CWC27: variants seen among roughly 807,000 people sequenced by gnomAD.
The protein encoded by CWC27 is spliceosome-associated protein CWC27 homolog.
Under a neutral mutation model 63.6 loss-of-function variants are expected in CWC27, and 47 were observed. The observed-to-expected ratio is 0.74, with a 90% CI of 0.58 to 0.94. The LOEUF (loss-of-function observed/expected upper bound fraction) is 0.94, where lower values mean the gene tolerates loss of function less well. CWC27 is among the 40% of genes least tolerant of loss of function. The pLI is 0.00. For synonymous variants in CWC27, 175 were observed against 179.8 expected (o/e 0.97, Z 0.22); for missense variants, 495 against 554.3 (o/e 0.89, Z 1.07).
At chr5:64,956,946 G>C (rs779855669) in intron 11 of CWC27, among the ~76,000 whole-genome samples, 1 of 152,030 alleles carries the variant, frequency 6.6e-6, no homozygotes, top group Non-Finnish European at 1.5e-5. Context: ...AGACATGCTA[G>C]ATCCTAAAAA....
intron 10 of CWC27, among the ~76,000 whole-genome samples, chr5:64,862,417 A>G (rs2112312893): frequency 6.6e-6 from 1 of 152,322 alleles, no homozygotes; most frequent in South Asian, 2.1e-4. Context: ...TATCACTTGG[A>G]TTAAACAATG....
intron 11 of CWC27, among the ~76,000 whole-genome samples, chr5:64,919,318 T>A (rs1747952113): frequency 1.3e-5 from 2 of 152,226 alleles, no homozygotes; most frequent in Non-Finnish European, 2.9e-5. Flanking sequence ...AGTGTTTACT[T>A]CTTAACTTTG....
intron 11 of CWC27, among the ~76,000 whole-genome samples, chr5:64,919,225 T>C (rs1362179775): frequency 6.6e-6 from 1 of 152,224 alleles, no homozygotes. Flanking sequence ...CGTTTTGTCA[T>C]TTGGGCCCAG....
chr5:65,007,140 G>A lies in CWC27; in HGVS notation c.1257-11019G>A, dbSNP rs140141759. Among the ~76,000 whole-genome samples, 317 of 152,258 alleles carry A rather than the reference G, an allele frequency of 2.1e-3. 3 individuals are homozygous for A. Among genetic ancestry groups the A allele is most frequent in the African/African-American group, 7.1e-3 (296 of 41,548 alleles). ...TGTTGCTAGTATGTACCCTTGAAAC[G>A]ATGTGATGCTAATGGCATTTTACAT... is the stretch of plus-strand genomic sequence containing the variant. On this transcript the variant is annotated intron_variant, in intron 13 of 13. Transcript: ENST00000381070.
At chr5:64,926,204 T>C (rs1413762763) in intron 11 of CWC27, among the ~76,000 whole-genome samples, 1 of 152,110 alleles carries the variant, frequency 6.6e-6, no homozygotes, top group Non-Finnish European at 1.5e-5. Context: ...AGTATTTCAT[T>C]GAATTAAACC....
At chr5:64,777,723 CTT>C (rs1743506527) in intron 2 of CWC27, among the ~76,000 whole-genome samples, 1 of 152,030 alleles carries the variant, frequency 6.6e-6, no homozygotes, top group Admixed American at 6.6e-5. Context: ...TTTCAAAACA[CTT>C]GTGATGATGC....
intron 11 of CWC27, among the ~76,000 whole-genome samples, chr5:64,890,223 T>C (rs56357397): frequency 0.39 from 59,573 of 151,946 alleles, 12,645 homozygotes; most frequent in African/African-American, 0.55. Context: ...TTTAAAGCCT[T>C]TTCATGAAAC....
At chr5:65,014,263 A>G (rs541391377) in intron 13 of CWC27, among the ~76,000 whole-genome samples, 59 of 147,832 alleles carry the variant, frequency 4.0e-4, no homozygotes, top group African/African-American at 1.5e-3. Flanking sequence ...TGATATATAT[A>G]ATATATACCA....
intron 10 of CWC27, among the ~76,000 whole-genome samples, chr5:64,869,490 G>C (rs974443935): frequency 2.0e-5 from 3 of 152,006 alleles, no homozygotes; most frequent in African/African-American, 7.2e-5. Context: ...CTGCCAGGTG[G>C]TAACAGAGTA....
intron 4 of CWC27, among the ~76,000 whole-genome samples, chr5:64,784,417 C>T (rs577667032): frequency 1.0e-3 from 155 of 152,192 alleles, no homozygotes; most frequent in African/African-American, 3.6e-3. Context: ...TTGAATAGTA[C>T]CTATTTAATC....
intron 7 of CWC27, among the ~76,000 whole-genome samples, chr5:64,791,567 A>G (rs1336422699): frequency 6.6e-6 from 1 of 152,130 alleles, no homozygotes; most frequent in East Asian, 1.9e-4. Flanking sequence ...TTCATTATCA[A>G]ATGAATATTA....
chr5:64,808,846 C>T (rs752383458), intron 10 of CWC27, among the ~76,000 whole-genome samples: 42 of 152,136 alleles, frequency 2.8e-4, no homozygotes, highest in Non-Finnish European at 4.3e-4. Flanking sequence ...AATACTAATT[C>T]GTAGGCCCCT....
intron 11 of CWC27, among the ~76,000 whole-genome samples, chr5:64,940,842 C>CTTTTT (rs70983655): frequency 1.5e-3 from 97 of 64,958 alleles, no homozygotes; most frequent in Non-Finnish European, 1.8e-3. Flanking sequence ...TTCTTTCTTT[C>CTTTTT]TTTTTTTTTT....
At position 64,878,470 on chromosome 5, in the gene CWC27, T is replaced by TAAAAAAAAAAAAAAA. The variant is rs397998002; in HGVS notation, c.939-6957_939-6943dup. On this transcript the variant is annotated intron_variant, in intron 10 of 13. Coordinates refer to ENST00000381070, the MANE Select transcript of CWC27 (RefSeq NM_005869.4). ...GTCAGCACTGTCCTGGGTTACAGAT[T>TAAAAAAAAAAAAAAA]AAAAAAAAAAAAAAAAAAAAAAAAA... Among the ~76,000 whole-genome samples the TAAAAAAAAAAAAAAA allele has an allele frequency of 3.5e-3, 93 of 26,936 alleles. 21 individuals carry two copies. Among genetic ancestry groups the TAAAAAAAAAAAAAAA allele is most frequent in the Middle Eastern group, 0.062 (1 of 16 alleles). 17.7% of individuals were successfully genotyped at this position (26,936 alleles called of 152,430 possible).
At chr5:64,902,181 A>C (rs550941778) in intron 11 of CWC27, among the ~76,000 whole-genome samples, 1 of 152,238 alleles carries the variant, frequency 6.6e-6, no homozygotes, top group Non-Finnish European at 1.5e-5. Flanking sequence ...TGTACTGTAC[A>C]TAATTGTATG....
At chr5:65,014,727 A>G (rs1750021478) in intron 13 of CWC27, among the ~76,000 whole-genome samples, 1 of 152,188 alleles carries the variant, frequency 6.6e-6, no homozygotes, top group Admixed American at 6.5e-5. Flanking sequence ...TTCAATTCGT[A>G]CAGTCTGTGA....
At chr5:64,928,534 A>G (rs1340649606) in intron 11 of CWC27, among the ~76,000 whole-genome samples, 1 of 152,052 alleles carries the variant, frequency 6.6e-6, no homozygotes, top group Non-Finnish European at 1.5e-5. Context: ...TAATTTTTTT[A>G]TTCTTTGTAA....
intron 2 of CWC27, among the ~76,000 whole-genome samples, chr5:64,775,768 G>GTAAA (rs972499191): frequency 2.2e-4 from 34 of 152,202 alleles, no homozygotes; most frequent in African/African-American, 8.2e-4. Flanking sequence ...TCTTAGGGAA[G>GTAAA]TAAACCTTCC....
At chr5:64,824,570 T>C (rs1424003994) in intron 10 of CWC27, among the ~76,000 whole-genome samples, 3 of 152,058 alleles carry the variant, frequency 2.0e-5, no homozygotes, top group Non-Finnish European at 4.4e-5. Flanking sequence ...GGCTGAAATC[T>C]AGCTGGGGCT....
Sources: allele counts gnomAD v4.1 joint callset (sites outside exome capture counted in the v4.1 genomes callset), GRCh38; gene constraint gnomAD v4.1.1; transcripts MANE v1.5; gene names NCBI Gene and HGNC (gene_info 2026-07-23, HGNC 2026-07-21).